The following PDE8A variants were observed in gnomAD, a reference collection of about 807,000 sequenced individuals.
The protein encoded by PDE8A is phosphodiesterase 8A, also known as high affinity cAMP-specific and IBMX-insensitive 3',5'-cyclic phosphodiesterase 8A.
PDE8A carries 59 observed loss-of-function variants against 105.0 expected under a neutral mutation model. That is an observed-to-expected ratio of 0.56 (90% CI 0.46 to 0.70). The LOEUF (loss-of-function observed/expected upper bound fraction) is 0.70, where lower values mean the gene tolerates loss of function less well. Ranked by LOEUF, PDE8A falls within the 30% of genes least tolerant of loss-of-function variation. The pLI is 0.00. For synonymous variants in PDE8A, 355 were observed against 371.9 expected (o/e 0.95, Z 0.52); for missense variants, 1,014 against 1,045.9 (o/e 0.97, Z 0.42).
chr15:85,031,266 G>A (rs1439962437), intron 1 of PDE8A, among the ~76,000 whole-genome samples: 1 of 152,190 alleles, frequency 6.6e-6, no homozygotes, highest in Non-Finnish European at 1.5e-5. Flanking sequence ...ATGATGAGAG[G>A]CAGAGATAAG....
intron 11 of PDE8A, among the ~76,000 whole-genome samples, chr15:85,107,422 G>C (rs930022214): frequency 2.6e-5 from 4 of 152,200 alleles, no homozygotes; most frequent in African/African-American, 9.7e-5. Context: ...TCGCTTGGCT[G>C]CCTGCAGAGA....
At chr15:85,069,116 A>G (rs1366299940) in intron 3 of PDE8A, among the ~76,000 whole-genome samples, 1 of 152,240 alleles carries the variant, frequency 6.6e-6, no homozygotes, top group Admixed American at 6.5e-5. Flanking sequence ...AAAAAAAGTA[A>G]TGTTACGTGC....
At chr15:84,991,729 T>A in intron 1 of PDE8A, among the ~76,000 whole-genome samples, 1 of 152,228 alleles carries the variant, frequency 6.6e-6, no homozygotes. Context: ...TATGATATGT[T>A]CAAAGAAAGG....
chr15:85,053,631 T>C (rs1346057784), intron 1 of PDE8A, among the ~76,000 whole-genome samples: 3 of 152,248 alleles, frequency 2.0e-5, no homozygotes, highest in East Asian at 1.9e-4. Flanking sequence ...CTGTTATTGG[T>C]GTATAGGAAT....
intron 1 of PDE8A, among the ~76,000 whole-genome samples, chr15:85,033,717 T>G (rs1030360754): frequency 1.2e-4 from 18 of 151,848 alleles, no homozygotes; most frequent in Non-Finnish European, 1.6e-4. Flanking sequence ...ATACAAAAAT[T>G]AGCTGGGCGT....
intron 1 of PDE8A, among the ~76,000 whole-genome samples, chr15:84,989,553 C>A (rs551389318): frequency 6.6e-6 from 1 of 152,136 alleles, no homozygotes; most frequent in East Asian, 1.9e-4. Flanking sequence ...GGAGGAGGAG[C>A]CAGAAGATGT....
chr15:85,049,869 A>G (rs1169812460), intron 1 of PDE8A, among the ~76,000 whole-genome samples: 1 of 152,228 alleles, frequency 6.6e-6, no homozygotes, highest in African/African-American at 2.4e-5. Flanking sequence ...GTTGGATCAT[A>G]TGTTAATTCT....
intron 20 of PDE8A, among the ~76,000 whole-genome samples, chr15:85,130,052 C>G (rs1203601191): frequency 6.6e-6 from 1 of 152,160 alleles, no homozygotes; most frequent in Non-Finnish European, 1.5e-5. Flanking sequence ...AAGCATAGAA[C>G]TAACATCTGC....
chr15:85,058,386 C>T (rs1028662398), intron 1 of PDE8A, among the ~76,000 whole-genome samples: 1 of 152,124 alleles, frequency 6.6e-6, no homozygotes, highest in African/African-American at 2.4e-5. Flanking sequence ...CACATCTGGC[C>T]CTAACTTTGG....
At chr15:85,040,209 G>A (rs1016989870) in intron 1 of PDE8A, among the ~76,000 whole-genome samples, 2 of 152,000 alleles carry the variant, frequency 1.3e-5, no homozygotes, top group Non-Finnish European at 2.9e-5. Context: ...TTGGGAGGCT[G>A]AGGCAGGAGG....
At chr15:85,135,117 G>A (rs982560092) in intron 20 of PDE8A, among the ~76,000 whole-genome samples, 1 of 152,152 alleles carries the variant, frequency 6.6e-6, no homozygotes, top group African/African-American at 2.4e-5. Flanking sequence ...AGGCCCTGTG[G>A]AGCAAGGGCT....
At chr15:85,000,214 T>A (rs879575043) in intron 1 of PDE8A, among the ~76,000 whole-genome samples, 1 of 152,214 alleles carries the variant, frequency 6.6e-6, no homozygotes, top group African/African-American at 2.4e-5. Context: ...AGACTTTTCT[T>A]GTTTTTCTTT....
At chr15:84,997,264 G>T (rs2079994710) in intron 1 of PDE8A, among the ~76,000 whole-genome samples, 1 of 151,864 alleles carries the variant, frequency 6.6e-6, no homozygotes, top group Non-Finnish European at 1.5e-5. Context: ...TGCGATCTTG[G>T]CTTACTGCAA....
chr15:85,003,444 G>A (rs893585647), intron 1 of PDE8A, among the ~76,000 whole-genome samples: 11 of 152,132 alleles, frequency 7.2e-5, no homozygotes, highest in African/African-American at 2.4e-4. Context: ...GACGACCTCT[G>A]CGATGGGCAA....
At chr15:85,076,623 T>C (rs2081383817) in intron 4 of PDE8A, 110 bp from the exon 5 acceptor site, 4 of 732,266 alleles carry the variant, frequency 5.5e-6, no homozygotes, top group East Asian at 2.5e-5. Flanking sequence ...ATCTGATTCA[T>C]CTAAAAGTAC....
intron 1 of PDE8A, among the ~76,000 whole-genome samples, chr15:84,996,523 A>G (rs1454272766): frequency 6.6e-6 from 1 of 152,090 alleles, no homozygotes; most frequent in Non-Finnish European, 1.5e-5. Flanking sequence ...ATAAAAATAC[A>G]GTATAAAAGA....
chr15:85,087,198 TG>T (rs1472456184), intron 6 of PDE8A, among the ~76,000 whole-genome samples: 1 of 152,024 alleles, frequency 6.6e-6, no homozygotes, highest in East Asian at 1.9e-4. Context: ...GTAAAGGCAT[TG>T]TTTTTTTTAT....
chr15:85,019,216 G>A (rs1024549072), intron 1 of PDE8A, among the ~76,000 whole-genome samples: 1 of 152,044 alleles, frequency 6.6e-6, no homozygotes, highest in African/African-American at 2.4e-5. Context: ...GATATTAAGA[G>A]GTTATTTTTA....
At chr15:85,111,272 C>T (rs1436342512) in intron 12 of PDE8A, among the ~76,000 whole-genome samples, 1 of 152,192 alleles carries the variant, frequency 6.6e-6, no homozygotes, top group Non-Finnish European at 1.5e-5. Flanking sequence ...CTTTTTATGT[C>T]CTATTTAAGA....
Sources: allele counts gnomAD v4.1 joint callset (sites outside exome capture counted in the v4.1 genomes callset), GRCh38; gene constraint gnomAD v4.1.1; transcripts MANE v1.5; gene names NCBI Gene and HGNC (gene_info 2026-07-23, HGNC 2026-07-21).